Variants in SNTA1 observed in about 807,000 individuals in gnomAD.
SNTA1 encodes alpha-1-syntrophin.
A neutral mutation model predicts 47.1 loss-of-function variants in SNTA1; 31 were observed. The ratio of observed to expected loss-of-function variants is 0.66; its 90% confidence interval spans 0.49 to 0.89. The LOEUF (loss-of-function observed/expected upper bound fraction) is 0.89. Ranked by LOEUF, SNTA1 falls within the 40% of genes least tolerant of loss-of-function variation. The pLI, the probability that SNTA1 is intolerant of heterozygous loss-of-function variation, is 0.00. For synonymous variants in SNTA1, 300 were observed against 313.6 expected (o/e 0.96, Z 0.46); for missense variants, 575 against 693.0 (o/e 0.83, Z 1.91).
intron 2 of SNTA1, among the ~76,000 whole-genome samples, chr20:33,431,642 G>A (rs1394091710): frequency 7.9e-5 from 12 of 151,966 alleles, no homozygotes; most frequent in African/African-American, 2.4e-5. Context: ...CCAGCTACTC[G>A]GGAGGCTGAA....
chr20:33,420,252 A>T (rs1434884164), intron 2 of SNTA1, among the ~76,000 whole-genome samples: 1 of 152,132 alleles, frequency 6.6e-6, no homozygotes, highest in Non-Finnish European at 1.5e-5. Context: ...TTTGGGATCC[A>T]CACATTGAGG....
intron 2 of SNTA1, among the ~76,000 whole-genome samples, chr20:33,423,487 AG>A (rs1247393833): frequency 6.6e-6 from 1 of 152,188 alleles, no homozygotes; most frequent in Non-Finnish European, 1.5e-5. Flanking sequence ...TCCCCAGCCA[AG>A]CCCCTGGCCT....
chr20:33,409,911 G>A (rs1340846129), intron 6 of SNTA1, among the ~76,000 whole-genome samples: 2 of 152,116 alleles, frequency 1.3e-5, no homozygotes, highest in African/African-American at 4.8e-5. Context: ...GATTACAGGC[G>A]TGAGCCACCG....
In SNTA1 at chr20:33,412,557, C is replaced by T; in HGVS notation, c.909+18G>A. ...GAGCGGAAGAGAGAGAGGGATAGGTCCCAGGCCCAGCAGGTACCTGCTCAG... is the reference window on the plus strand; with the variant it reads ...GAGCGGAAGAGAGAGAGGGATAGGTTCCAGGCCCAGCAGGTACCTGCTCAG... On this transcript the variant is annotated intron_variant, in intron 4 of 7. Transcript: ENST00000217381. The T allele has an allele frequency of 6.2e-7, 1 of 1,610,384 alleles. No individual in the cohort carries two copies. Among genetic ancestry groups the T allele is most frequent in the Non-Finnish European group, 8.5e-7 (1 of 1,178,084 alleles).
intron 2 of SNTA1, among the ~76,000 whole-genome samples, chr20:33,425,323 A>G (rs1990143108): frequency 6.6e-6 from 1 of 152,098 alleles, no homozygotes; most frequent in African/African-American, 2.4e-5. Context: ...ATGAATAAAC[A>G]CTGAAAGCCC....
At chr20:33,409,665 G>T (rs1233452484) in intron 6 of SNTA1, among the ~76,000 whole-genome samples, 5 of 147,764 alleles carry the variant, frequency 3.4e-5, no homozygotes, top group South Asian at 2.1e-4. Context: ...AGACAGTCTT[G>T]CTCTGTCGCC....
intron 5 of SNTA1, 28 bp downstream of exon 5, chr20:33,412,268 G>T: frequency 6.2e-7 from 1 of 1,602,602 alleles, no homozygotes; most frequent in South Asian, 1.1e-5. Flanking sequence ...AGTTCTGGGG[G>T]AGACATACTG....
At position 33,408,706 on chromosome 20, in the gene SNTA1, C is replaced by T. The variant is rs2146754197; in HGVS notation, c.1420G>A (p.Glu474Lys). The T allele has an allele frequency of 5.0e-6, 8 of 1,614,082 alleles. No individual in the cohort carries two copies. Among genetic ancestry groups the T allele is most frequent in the East Asian group, 2.2e-5 (1 of 44,878 alleles). The change falls in exon 7 of 8, where the codon GAG (glutamate) becomes AAG (lysine). Residue 474 changes from glutamate (E) to lysine (K), a missense_variant. Physicochemically the swap from Glu to Lys is moderately conservative, Grantham distance 56. Coordinates refer to ENST00000217381, the MANE Select transcript of SNTA1 (RefSeq NM_003098.3). Reference protein sequence around the residue: ...LFLDFGGAEGEIQLDLHSCPK... With the variant: ...LFLDFGGAEGKIQLDLHSCPK... ...AGAGGCAGCCCCTCACTCACGATCT[C>T]GCCTTCAGCACCTCCAAAATCCAGG...
chr20:33,416,711 C>A (rs553383446), intron 3 of SNTA1, among the ~76,000 whole-genome samples: 2 of 151,918 alleles, frequency 1.3e-5, no homozygotes, highest in East Asian at 1.9e-4. Flanking sequence ...GAGGCTGAGG[C>A]GGGGGAATCA....
rs545246822 is a variant in SNTA1, at chr20:33,420,891, G to A, written c.497-2968C>T. On this transcript the variant is annotated intron_variant, in intron 2 of 7. Coordinates refer to ENST00000217381, the MANE Select transcript of SNTA1 (RefSeq NM_003098.3). ...CCCAGCTACTTGGGAGGCTGAGGCA[G>A]GAGAATTGCTTGAACCCGGGAGGCG... Among the ~76,000 whole-genome samples, 3 of 152,016 alleles carry A rather than the reference G, an allele frequency of 2.0e-5. No homozygotes were observed. The East Asian group carries it at 5.8e-4, about 29-fold the overall frequency.
intron 2 of SNTA1, among the ~76,000 whole-genome samples, chr20:33,438,262 T>A (rs949484381): frequency 2.0e-5 from 3 of 152,096 alleles, no homozygotes; most frequent in Admixed American, 2.0e-4. Context: ...ATCATGCCAC[T>A]GTATTCCAGC....
intron 1 of SNTA1, among the ~76,000 whole-genome samples, chr20:33,443,103 G>C (rs895763433): frequency 4.0e-5 from 6 of 149,272 alleles, no homozygotes; most frequent in Admixed American, 1.3e-4. Flanking sequence ...ATCCACACCT[G>C]TGTCTTCCGT....
chr20:33,441,633 T>C (rs293721), intron 1 of SNTA1, among the ~76,000 whole-genome samples: 146,181 of 152,216 alleles, frequency 0.96, 70,266 homozygotes, highest in East Asian at 1. Flanking sequence ...AAGCTAGACT[T>C]TATAGGAGGG....
chr20:33,421,472 C>A (rs1863611483), intron 2 of SNTA1, among the ~76,000 whole-genome samples: 1 of 151,462 alleles, frequency 6.6e-6, no homozygotes, highest in African/African-American at 2.4e-5. Context: ...TTAGCCAGGC[C>A]ATGGTAGTGC....
intron 1 of SNTA1, among the ~76,000 whole-genome samples, chr20:33,440,984 C>A (rs1043744788): frequency 1.3e-5 from 2 of 152,214 alleles, no homozygotes; most frequent in Non-Finnish European, 2.9e-5. Context: ...TCTAGAGATT[C>A]TAAAAACCTG....
intron 2 of SNTA1, among the ~76,000 whole-genome samples, chr20:33,438,214 C>T (rs932043341): frequency 5.9e-5 from 9 of 152,104 alleles, no homozygotes; most frequent in Non-Finnish European, 1.3e-4. Flanking sequence ...GCAGGAGGAT[C>T]ACTTGAACCC....
chr20:33,409,519 G>A (rs1429932710), intron 6 of SNTA1, among the ~76,000 whole-genome samples: 1 of 152,014 alleles, frequency 6.6e-6, no homozygotes, highest in Non-Finnish European at 1.5e-5. Context: ...GAGTGCAGTG[G>A]GCGCAATCTC....
chr20:33,443,231 C>A, intron 1 of SNTA1, 80 bp downstream of exon 1: 1 of 1,184,790 alleles, frequency 8.4e-7, no homozygotes, highest in Non-Finnish European at 1.1e-6. Flanking sequence ...AGCTCCATGT[C>A]CTGGGCGCGC....
chr20:33,412,266 G>T, intron 5 of SNTA1, 30 bp downstream of exon 5: 1 of 1,601,474 alleles, frequency 6.2e-7, no homozygotes, highest in South Asian at 1.1e-5. Context: ...CAAGTTCTGG[G>T]GGAGACATAC....
Sources: gnomAD v4.1 joint callset for allele counts (sites outside exome capture counted in the v4.1 genomes callset) on GRCh38, gnomAD v4.1.1 for gene constraint, MANE v1.5 for transcripts, NCBI Gene and HGNC (gene_info 2026-07-23, HGNC 2026-07-21) for gene names.